The following CASR variants were observed in gnomAD, a reference collection of about 807,000 sequenced individuals.
The protein encoded by CASR is calcium sensing receptor.
CASR carries 23 observed loss-of-function variants against 69.1 expected under a neutral mutation model. The ratio of observed to expected loss-of-function variants is 0.33; its 90% CI spans 0.24 to 0.47. CASR has a LOEUF of 0.47. CASR is among the 20% of genes least tolerant of loss of function. The pLI, the probability that CASR is intolerant of heterozygous loss-of-function variation, is 1.00. For missense variants in CASR, 924 were observed against 1,356.1 expected (o/e 0.68, Z 5.00); for synonymous variants, 541 against 544.7 (o/e 0.99, Z 0.10).
chr3:122,213,192 A>G (rs888696503), intron 1 of CASR, among the ~76,000 whole-genome samples: 1 of 152,154 alleles, frequency 6.6e-6, no homozygotes, highest in Non-Finnish European at 1.5e-5. Flanking sequence ...ACACCATCAC[A>G]TGTATTTCCA....
At chr3:122,258,197 A>G (rs1277615044) in intron 3 of CASR, among the ~76,000 whole-genome samples, 4 of 152,180 alleles carry the variant, frequency 2.6e-5, no homozygotes, top group African/African-American at 9.7e-5. Context: ...AAACAACCTA[A>G]ATGTCTGTGG....
At chr3:122,226,403 A>G (rs553802949) in intron 1 of CASR, among the ~76,000 whole-genome samples, 89 of 152,210 alleles carry the variant, frequency 5.8e-4, no homozygotes, top group Admixed American at 2.6e-3. Flanking sequence ...TGAGTGTTAC[A>G]GCTCATAAAG....
chr3:122,229,325 G>T (rs940024663), intron 1 of CASR, among the ~76,000 whole-genome samples: 2 of 150,634 alleles, frequency 1.3e-5, no homozygotes, highest in Non-Finnish European at 3.0e-5. Context: ...GTGTTCATTT[G>T]CATTTCTATT....
intron 1 of CASR, chr3:122,246,331 A>G (rs1404051969): frequency 1.2e-5 from 1 of 85,294 alleles, no homozygotes; most frequent in Non-Finnish European, 2.7e-5. Flanking sequence ...TGCTGTTAAT[A>G]AAAATGAAAG....
chr3:122,271,252 C>T (rs2074754115), intron 4 of CASR, among the ~76,000 whole-genome samples: 1 of 152,198 alleles, frequency 6.6e-6, no homozygotes, highest in Non-Finnish European at 1.5e-5. Context: ...AATCTAGGCC[C>T]TCTACAAACC....
At chr3:122,191,374 C>T (rs1475043809) in intron 1 of CASR, among the ~76,000 whole-genome samples, 1 of 152,104 alleles carries the variant, frequency 6.6e-6, no homozygotes, top group Non-Finnish European at 1.5e-5. Flanking sequence ...TGCAACGGTG[C>T]GATCTTGGCT....
chr3:122,261,255 C>T (rs983993600), intron 3 of CASR, among the ~76,000 whole-genome samples: 3 of 152,192 alleles, frequency 2.0e-5, no homozygotes, highest in African/African-American at 7.2e-5. Flanking sequence ...ATTTTATGGC[C>T]AGACCCAGTT....
intron 4 of CASR, among the ~76,000 whole-genome samples, chr3:122,267,448 C>T (rs749587997): frequency 1.6e-4 from 24 of 152,040 alleles, no homozygotes; most frequent in African/African-American, 3.4e-4. Context: ...TCATTTGAGA[C>T]GAGTCTTGAA....
chr3:122,183,850 G>A (rs2073744914), intron 1 of CASR, 38 bp downstream of exon 1: 1 of 151,896 alleles, frequency 6.6e-6, no homozygotes, highest in Non-Finnish European at 1.5e-5. Flanking sequence ...TTATTTTACT[G>A]TGAATCTCTG....
intron 3 of CASR, among the ~76,000 whole-genome samples, chr3:122,258,438 G>A (rs1224249531): frequency 6.7e-6 from 1 of 148,158 alleles, no homozygotes; most frequent in Non-Finnish European, 1.5e-5. Context: ...CATCATTGAC[G>A]GAATCCTTAC....
At position 122,205,931 on chromosome 3, in the gene CASR, C is replaced by G. The variant is rs531505133; in HGVS notation, c.-243+22119C>G. Among the ~76,000 whole-genome samples the G allele has an allele frequency of 4.6e-4, 70 of 152,038 alleles. No individual in the cohort carries two copies. In the Middle Eastern group the frequency reaches 0.014, roughly 30 times the overall value. On this transcript the variant is annotated intron_variant, in intron 1 of 6. Coordinates refer to ENST00000639785, the MANE Select transcript of CASR (RefSeq NM_000388.4). Reference sequence around the variant, plus strand: ...GAGTGTTGATTTTTGTATCCTGCAGCTTTACTGAATTCATTTGTCAGTTCT... The same window carrying G: ...GAGTGTTGATTTTTGTATCCTGCAGGTTTACTGAATTCATTTGTCAGTTCT...
rs568002207 is a variant in CASR at position 122,238,438 on chromosome 3, C to T, written c.-242-15510C>T. On this transcript the variant is annotated intron_variant, in intron 1 of 6. Coordinates refer to ENST00000639785, the MANE Select transcript of CASR (RefSeq NM_000388.4). ...TGAGTTTCTGCAAGCCTCACCACCA[C>T]GTGTTAAAGTGCTCTGGGGTCTTAC... 8.5e-5 allele frequency among the ~76,000 whole-genome samples: 13 copies of T among 152,326 alleles called. No homozygotes were observed. The East Asian group carries it at 9.6e-4, about 11-fold the overall frequency.
chr3:122,201,145 C>A (rs979724542), intron 1 of CASR, among the ~76,000 whole-genome samples: 52 of 152,058 alleles, frequency 3.4e-4, no homozygotes, highest in Admixed American at 6.5e-4. Context: ...GAGGACCCTG[C>A]GGCCTTCCGC....
chr3:122,218,269 C>G (rs766784690), intron 1 of CASR, among the ~76,000 whole-genome samples: 1 of 152,068 alleles, frequency 6.6e-6, no homozygotes. Context: ...AGCATGGTAG[C>G]TCACACCTGT....
intron 1 of CASR, among the ~76,000 whole-genome samples, chr3:122,240,105 G>A (rs2074365988): frequency 6.6e-6 from 1 of 152,152 alleles, no homozygotes; most frequent in African/African-American, 2.4e-5. Flanking sequence ...TCAAACTCCT[G>A]AAAGTCAAGG....
chr3:122,249,466 T>C (rs1391182412), intron 1 of CASR, among the ~76,000 whole-genome samples: 1 of 152,364 alleles, frequency 6.6e-6, no homozygotes, highest in East Asian at 1.9e-4. Context: ...TTTGAATGAG[T>C]AAATCATTGC....
chr3:122,206,523 G>T (rs1387712959), intron 1 of CASR, among the ~76,000 whole-genome samples: 1 of 151,894 alleles, frequency 6.6e-6, no homozygotes, highest in African/African-American at 2.4e-5. Context: ...CAGGAATAGT[G>T]GCCTGTAAGT....
At chr3:122,233,600 C>T (rs544797911) in intron 1 of CASR, among the ~76,000 whole-genome samples, 7 of 152,338 alleles carry the variant, frequency 4.6e-5, no homozygotes, top group Non-Finnish European at 8.8e-5. Flanking sequence ...TTAAAACTGT[C>T]TCCAGAGCGA....
At chr3:122,238,032 C>G (rs1480323855) in intron 1 of CASR, among the ~76,000 whole-genome samples, 1 of 152,206 alleles carries the variant, frequency 6.6e-6, no homozygotes, top group Non-Finnish European at 1.5e-5. Flanking sequence ...TGGCTCCCCC[C>G]TGCAGGAACA....
Sources: gnomAD v4.1 joint callset for allele counts (sites outside exome capture counted in the v4.1 genomes callset) on GRCh38, gnomAD v4.1.1 for gene constraint, MANE v1.5 for transcripts, NCBI Gene and HGNC (gene_info 2026-07-23, HGNC 2026-07-21) for gene names.